PRPF6: variants seen among roughly 807,000 people sequenced by gnomAD.
The protein encoded by PRPF6 is pre-mRNA processing factor 6, also known as pre-mRNA-processing factor 6.
A neutral mutation model predicts 118.3 loss-of-function variants in PRPF6; 42 were observed. The ratio of observed to expected loss-of-function variants is 0.35; its 90% CI spans 0.28 to 0.46. PRPF6 has a LOEUF of 0.46. Ranked by LOEUF, PRPF6 falls within the 20% of genes least tolerant of loss-of-function variation. The pLI is 1.00. For synonymous variants in PRPF6, 481 were observed against 485.1 expected, an observed-to-expected ratio of 0.99 and a Z score of 0.11; for missense variants, 662 against 1,255.7, an observed-to-expected ratio of 0.53 and a Z score of 7.15.
rs377161367 is a variant in PRPF6, at chr20:64,026,431, C to T, written c.2028+373C>T. Among the ~76,000 whole-genome samples, 162 of 151,898 alleles carry T rather than the reference C, an allele frequency of 1.1e-3. 1 individual carries two copies. Among genetic ancestry groups the T allele is most frequent in the African/African-American group, 3.5e-3 (143 of 41,398 alleles). On this transcript the variant is annotated intron_variant, in intron 15 of 20. Coordinates refer to ENST00000266079, the MANE Select transcript of PRPF6 (RefSeq NM_012469.4). This position sits in a 1 kb window ranked among gnomAD's most constrained non-coding sequence, Gnocchi z 4.4. Reference sequence around the variant, plus strand: ...TGAGGCAGGAGAATCGCTTGAACCCCGGGGGTGGAGGTTGCGGTGAGCTGA... The same window carrying T: ...TGAGGCAGGAGAATCGCTTGAACCCTGGGGGTGGAGGTTGCGGTGAGCTGA...
In PRPF6 at chr20:64,027,734, G is replaced by A. The variant is rs1351855221; in HGVS notation, c.2337G>A (p.Leu779=). The A allele has an allele frequency of 3.1e-6, 5 of 1,613,798 alleles. No individual in the cohort carries two copies. In the South Asian group the frequency reaches 3.3e-5, roughly 11 times the overall value. The change falls in exon 17 of 21, where the codon CTG becomes CTA. Residue 779 remains leucine, a splice_region_variant and synonymous_variant. Transcript: ENST00000266079. The surrounding 1 kb of genome is among the most constrained non-coding windows in gnomAD (Gnocchi z 6.5). ...TGAAGAACCCAAAGAACCCTGGGCT[G>A]TGGTGAGTCCTGGAGGGGGCAGCCT... The part of the protein sequence containing the change: ...SRLKNPKNPG[L]WLESVRLEYR...
intron 20 of PRPF6, 53 bp from the exon 21 acceptor site, chr20:64,032,788 C>G (rs1237646664): frequency 3.8e-6 from 6 of 1,561,202 alleles, no homozygotes; most frequent in Non-Finnish European, 5.2e-6. Flanking sequence ...CAGGCGAGGT[C>G]CGGGGAGTAG....
chr20:64,004,715 G>A (rs182381977), intron 9 of PRPF6, among the ~76,000 whole-genome samples: 6 of 152,302 alleles, frequency 3.9e-5, no homozygotes, highest in Admixed American at 3.9e-4. Flanking sequence ...TTTCAGGATT[G>A]GGGAGGGTGC....
Position 63,983,097 on chromosome 20 carries a change from A to G in PRPF6, c.122A>G (p.Asn41Ser). ...RSDIGPARDA[N>S]DPVDDRHAPP... ...GACATTGGGCCCGCCCGTGATGCAA[A>G]TGACCCTGTGGATGATCGCCATGCA... is the stretch of plus-strand genomic sequence containing the variant. Residue 41 changes from asparagine (N) to serine (S), a missense_variant, in exon 2 of 21, where the codon AAT becomes AGT. Around this residue, in one of 10 missense-constraint regions of PRPF6, gnomAD observed 21 missense variants for 45.5 expected, o/e 0.46. Transcript: ENST00000266079. 6.2e-7 allele frequency: 1 copy of G among 1,614,212 alleles called. No homozygotes were observed. The highest frequency in any genetic ancestry group is 8.5e-7 in the Non-Finnish European group (1 of 1,180,042).
At chr20:63,994,633 T>A (rs1267941898) in intron 4 of PRPF6, among the ~76,000 whole-genome samples, 1 of 152,064 alleles carries the variant, frequency 6.6e-6, no homozygotes, top group African/African-American at 2.4e-5. Context: ...TAGCCAGGCA[T>A]GGTGGCCCAC....
At chr20:63,983,584 C>G (rs528224352) in intron 2 of PRPF6, among the ~76,000 whole-genome samples, 1 of 140,266 alleles carries the variant, frequency 7.1e-6, no homozygotes, top group East Asian at 2.1e-4. Context: ...GATGGAATTT[C>G]GCTCTTGTCG....
At chr20:64,022,030 A>G (rs1313193758) in intron 12 of PRPF6, among the ~76,000 whole-genome samples, 2 of 151,010 alleles carry the variant, frequency 1.3e-5, no homozygotes, top group Admixed American at 1.3e-4. Context: ...GCACGTATGC[A>G]TATGCCTCAG....
intron 14 of PRPF6, 115 bp downstream of exon 14, chr20:64,024,808 G>A: frequency 1.4e-6 from 2 of 1,449,994 alleles, no homozygotes; most frequent in Admixed American, 2.0e-5. Flanking sequence ...TTGTTGGGGT[G>A]CACTGGAGTC....
chr20:64,005,377 G>T (rs193195961), intron 9 of PRPF6, among the ~76,000 whole-genome samples: 1 of 152,256 alleles, frequency 6.6e-6, no homozygotes, highest in East Asian at 1.9e-4. Context: ...AAGTATTAAG[G>T]GAAGTAGTTC....
intron 12 of PRPF6, among the ~76,000 whole-genome samples, chr20:64,019,988 G>A (rs573196866): frequency 6.6e-6 from 1 of 152,284 alleles, no homozygotes; most frequent in South Asian, 2.1e-4. Context: ...CCCTGTGTGG[G>A]GACTTGGACA....
At chr20:64,032,718 C>A in intron 20 of PRPF6, 123 bp from the exon 21 acceptor site, 1 of 1,303,632 alleles carries the variant, frequency 7.7e-7, no homozygotes, top group Non-Finnish European at 1.1e-6. Context: ...CCTGTGCCCT[C>A]TGGCCCGCCA....
intron 11 of PRPF6, among the ~76,000 whole-genome samples, chr20:64,012,957 CTTTTTTTTTT>C (rs763243601): frequency 1.5e-5 from 2 of 129,940 alleles, no homozygotes; most frequent in African/African-American, 2.9e-5. Context: ...CCCCCACACC[CTTTTTTTTTT>C]TTTTTTTTTG....
intron 9 of PRPF6, among the ~76,000 whole-genome samples, chr20:64,007,684 C>G (rs546875720): frequency 6.6e-6 from 1 of 152,134 alleles, no homozygotes; most frequent in East Asian, 1.9e-4. Flanking sequence ...CCAGGCTAGT[C>G]TCGAATTCCT....
In PRPF6 at chr20:64,011,734, G is replaced by T. The variant is rs947745077; in HGVS notation, c.1524+231G>T. ...TGAACACTTCAGAAGCCCTTTCAGT[G>T]TGTGCACACCTGACTGCATTTCTTT... On this transcript the variant is annotated intron_variant, in intron 11 of 20. Coordinates refer to ENST00000266079, the MANE Select transcript of PRPF6 (RefSeq NM_012469.4). The surrounding 1 kb of genome is among the most constrained non-coding windows in gnomAD (Gnocchi z 6.7). Among the ~76,000 whole-genome samples, 1 of 152,256 alleles carries T rather than the reference G, an allele frequency of 6.6e-6. No individual in the cohort carries two copies. Among genetic ancestry groups the T allele is most frequent in the Non-Finnish European group, 1.5e-5 (1 of 68,056 alleles).
intron 6 of PRPF6, among the ~76,000 whole-genome samples, chr20:63,996,383 G>A (rs1971940556): frequency 6.6e-6 from 1 of 152,028 alleles, no homozygotes; most frequent in Admixed American, 6.6e-5. Context: ...AATCATGGCT[G>A]GCTACATACA....
rs1017490968 is a variant in PRPF6 at position 64,029,296 on chromosome 20, G to A, written c.2432-81G>A. The A allele has an allele frequency of 4.6e-6, 6 of 1,292,846 alleles. No individual in the cohort carries two copies. Among genetic ancestry groups the A allele is most frequent in the Non-Finnish European group, 6.7e-6 (6 of 892,306 alleles). 80.1% of individuals were successfully genotyped at this position (1,292,846 alleles called of 1,614,324 possible). On this transcript the variant is annotated intron_variant, in intron 18 of 20. Coordinates refer to ENST00000266079, the MANE Select transcript of PRPF6 (RefSeq NM_012469.4). This position sits in a 1 kb window ranked among gnomAD's most constrained non-coding sequence, Gnocchi z 4.8. ...CCCTGTCGTGGTCTGAGGACGTCCC[G>A]GGTTAGAATCTGTAGGCTGGGCACC...
At chr20:63,982,226 G>A (rs1013174077) in intron 1 of PRPF6, among the ~76,000 whole-genome samples, 1 of 152,156 alleles carries the variant, frequency 6.6e-6, no homozygotes, top group Non-Finnish European at 1.5e-5. Flanking sequence ...AAGCTGGAGT[G>A]CAATGGTGCG....
At chr20:63,993,514 CG>C (rs768315796) in intron 4 of PRPF6, 29 bp downstream of exon 4, 12 of 1,562,812 alleles carry the variant, frequency 7.7e-6, no homozygotes, top group Admixed American at 5.0e-5. Flanking sequence ...GAATGGTGTG[CG>C]GTTTCTAACG....
intron 12 of PRPF6, among the ~76,000 whole-genome samples, chr20:64,020,837 A>G (rs2059259441): frequency 7.0e-6 from 1 of 142,452 alleles, no homozygotes; most frequent in South Asian, 2.2e-4. Context: ...CCCAGGCTGG[A>G]GCGCAATGGC....
Sources: allele counts gnomAD v4.1 joint callset (sites outside exome capture counted in the v4.1 genomes callset), GRCh38; gene constraint gnomAD v4.1.1; regional missense constraint gnomAD v4.1.1; non-coding constraint Gnocchi (gnomAD v3.1); transcripts MANE v1.5; gene names NCBI Gene and HGNC (gene_info 2026-07-23, HGNC 2026-07-21).